The following CEP55 variants were observed in gnomAD, a reference collection of about 807,000 sequenced individuals.
CEP55 encodes the protein centrosomal protein of 55 kDa.
In CEP55, 57 loss-of-function variants were observed where a neutral mutation model predicts 63.2. The observed-to-expected ratio is 0.90, with a 90% CI of 0.73 to 1.13. The LOEUF (loss-of-function observed/expected upper bound fraction) is 1.13. Ranked by LOEUF, CEP55 falls within the 50% of genes most tolerant of loss-of-function variation. CEP55 has a pLI of 0.00. For synonymous variants in CEP55, 178 were observed against 191.6 expected (o/e 0.93, Z 0.59); for missense variants, 456 against 518.9 (o/e 0.88, Z 1.18).
intron 8 of CEP55, 183 bp downstream of exon 8, chr10:93,519,990 G>A: frequency 1.5e-6 from 1 of 647,394 alleles, no homozygotes. Flanking sequence ...ATGAAAGAGG[G>A]ACATGATCAC....
intron 1 of CEP55, among the ~76,000 whole-genome samples, chr10:93,498,148 A>C (rs2134451838): frequency 6.6e-6 from 1 of 151,872 alleles, no homozygotes; most frequent in South Asian, 2.1e-4. Context: ...CCGCCAAAAA[A>C]AAAAAGAAAG....
chr10:93,496,950 C>G (rs1472691262), intron 1 of CEP55, 27 bp downstream of exon 1: 1 of 152,298 alleles, frequency 6.6e-6, no homozygotes, highest in East Asian at 1.9e-4. Context: ...TACAGATAGG[C>G]GCAGAGAGGC....
intron 5 of CEP55, among the ~76,000 whole-genome samples, chr10:93,516,133 A>G (rs1350657111): frequency 6.6e-6 from 1 of 152,212 alleles, no homozygotes; most frequent in Non-Finnish European, 1.5e-5. Flanking sequence ...TAGGTTTAGC[A>G]ATTCTAGATG....
intron 8 of CEP55, among the ~76,000 whole-genome samples, chr10:93,522,976 G>A (rs2057879577): frequency 6.6e-6 from 1 of 152,202 alleles, no homozygotes; most frequent in Admixed American, 6.6e-5. Flanking sequence ...ACCAGCCACT[G>A]CAAAAACATG....
At chr10:93,507,413 G>C (rs1043207378) in intron 4 of CEP55, among the ~76,000 whole-genome samples, 1 of 151,560 alleles carries the variant, frequency 6.6e-6, no homozygotes, top group Non-Finnish European at 1.5e-5. Context: ...GTAGAGATGG[G>C]GTTTCACCAT....
At chr10:93,515,621 C>A in intron 5 of CEP55, 66 bp downstream of exon 5, 2 of 1,436,882 alleles carry the variant, frequency 1.4e-6, no homozygotes, top group South Asian at 1.5e-5. Context: ...AATGATTCAT[C>A]AAATTTAGAT....
chr10:93,513,628 T>G (rs1405065417), intron 4 of CEP55, among the ~76,000 whole-genome samples: 1 of 152,230 alleles, frequency 6.6e-6, no homozygotes, highest in Non-Finnish European at 1.5e-5. Flanking sequence ...ATAGATCATT[T>G]TAAGAGCTAC....
At chr10:93,498,534 C>T (rs2057598597) in intron 1 of CEP55, among the ~76,000 whole-genome samples, 1 of 152,154 alleles carries the variant, frequency 6.6e-6, no homozygotes, top group Non-Finnish European at 1.5e-5. Context: ...CTTATAATGG[C>T]AAAAATCCAG....
At chr10:93,505,308 G>T (rs1302652991) in intron 3 of CEP55, among the ~76,000 whole-genome samples, 2 of 152,168 alleles carry the variant, frequency 1.3e-5, no homozygotes, top group African/African-American at 4.8e-5. Flanking sequence ...AGAGTCATTT[G>T]ACTCCAGGTT....
At chr10:93,503,013 C>G (rs1427338908) in intron 2 of CEP55, 100 bp from the exon 3 acceptor site, 1 of 1,155,988 alleles carries the variant, frequency 8.7e-7, no homozygotes, top group African/African-American at 1.5e-5. Context: ...GTAATGCTGA[C>G]TTGATAATAA....
chr10:93,517,045 GA>G lies in CEP55; in HGVS notation c.792del (p.Glu264AspfsTer16), dbSNP rs2057811031. On this transcript the variant is annotated frameshift_variant, in exon 6 of 9. Transcript: ENST00000371485. LOFTEE classifies it high-confidence loss of function. ...AACTCAGCTGAGTTTTGAACTGAGT[GA>G]ATTTCGAAGAAAATATGAAGAAACC... ...TITQLSFELS[E>X]FRRKYEETQK... 1.2e-6 allele frequency: 2 copies of G among 1,613,850 alleles called. No homozygotes were observed. Among genetic ancestry groups the G allele is most frequent in the African/African-American group, 2.7e-5 (2 of 74,922 alleles).
At chr10:93,522,436 G>T (rs539436631) in intron 8 of CEP55, among the ~76,000 whole-genome samples, 1 of 152,240 alleles carries the variant, frequency 6.6e-6, no homozygotes, top group Non-Finnish European at 1.5e-5. Context: ...ATGGGACTGT[G>T]TGAAAAGACC....
At chr10:93,521,186 C>A (rs911455718) in intron 8 of CEP55, among the ~76,000 whole-genome samples, 2 of 151,084 alleles carry the variant, frequency 1.3e-5, no homozygotes, top group African/African-American at 4.9e-5. Flanking sequence ...CAGGGAATTC[C>A]CTTTTCTAGC....
chr10:93,509,578 T>C (rs1288062026), intron 4 of CEP55, among the ~76,000 whole-genome samples: 2 of 152,050 alleles, frequency 1.3e-5, no homozygotes, highest in Admixed American at 1.3e-4. Context: ...CTCCGTCTCC[T>C]GGTTTCAAGT....
rs780166488 is a variant in CEP55, at chr10:93,519,788, T to A, written c.1172T>A (p.Ile391Lys). 1 of 1,614,112 alleles carries A rather than the reference T, an allele frequency of 6.2e-7. No individual in the cohort carries two copies. The highest frequency in any genetic ancestry group is 1.1e-5 in the South Asian group (1 of 91,086). Residue 391 changes from isoleucine to lysine, a missense_variant, in exon 8 of 9, where the codon ATA becomes AAA. Physicochemically the swap from Ile to Lys is moderately radical, Grantham distance 102. Coordinates refer to ENST00000371485, the MANE Select transcript of CEP55 (RefSeq NM_018131.5). ...GAGCTCCGAAAAGCAAGAAATCAAA[T>A]AACACAGTTGGAATCCTTGGTGAGT... ...LKELRKARNQITQLESLKQLH... is the reference protein window; with the variant it reads ...LKELRKARNQKTQLESLKQLH...
chr10:93,511,375 T>C (rs2057746592), intron 4 of CEP55, among the ~76,000 whole-genome samples: 1 of 152,184 alleles, frequency 6.6e-6, no homozygotes. Context: ...GATGTTTGAC[T>C]CTAAAAACTC....
chr10:93,515,333 T>A, intron 4 of CEP55, 72 bp from the exon 5 acceptor site: 1 of 1,391,178 alleles, frequency 7.2e-7, no homozygotes, highest in Non-Finnish European at 9.9e-7. Context: ...CTACATCACT[T>A]GGACTCTCTT....
intron 8 of CEP55, among the ~76,000 whole-genome samples, chr10:93,521,955 C>T (rs1372531909): frequency 1.3e-5 from 2 of 152,186 alleles, no homozygotes; most frequent in Non-Finnish European, 2.9e-5. Flanking sequence ...ATGTCACCAT[C>T]ATCAAAGACC....
chr10:93,501,795 T>C (rs908930014), intron 2 of CEP55, among the ~76,000 whole-genome samples: 1 of 152,222 alleles, frequency 6.6e-6, no homozygotes, highest in Non-Finnish European at 1.5e-5. Context: ...TTGAGGTAAA[T>C]GCTTTTTCAA....
Sources: gnomAD v4.1 joint callset for allele counts (sites outside exome capture counted in the v4.1 genomes callset) on GRCh38, gnomAD v4.1.1 for gene constraint, MANE v1.5 for transcripts, NCBI Gene and HGNC (gene_info 2026-07-23, HGNC 2026-07-21) for gene names.